Variants in C11orf71 observed in about 807,000 individuals in gnomAD.
The protein encoded by C11orf71 is uncharacterized protein C11orf71.
For synonymous variants in C11orf71, 72 were observed against 73.4 expected (o/e 0.98, Z 0.09); for missense variants, 179 against 167.6 (o/e 1.07, Z -0.38).
chr11:114,396,807 C>A (rs1365450971), downstream of C11orf71, among the ~76,000 whole-genome samples: 1 of 152,194 alleles, frequency 6.6e-6, no homozygotes, highest in Non-Finnish European at 1.5e-5. Flanking sequence ...GAAAGACATA[C>A]AATTAATTCT....
At chr11:114,395,976 A>AT (rs774204192), downstream of C11orf71, among the ~76,000 whole-genome samples, 11 of 152,184 alleles carry the variant, frequency 7.2e-5, no homozygotes, top group Non-Finnish European at 1.5e-4. Flanking sequence ...AGCTCACTAC[A>AT]TTCCTCCAAC....
downstream of C11orf71, among the ~76,000 whole-genome samples, chr11:114,394,117 C>G (rs1297292200): frequency 1.3e-5 from 2 of 149,474 alleles, no homozygotes; most frequent in Non-Finnish European, 3.0e-5. Context: ...GTAGCTGGGA[C>G]TACAGGCGCC....
Position 114,400,260 on chromosome 11 carries a change from G to C in C11orf71, c.72C>G (p.Gly24=), listed in dbSNP as rs1227807069. ...RSRVAYRSSH[G]DLRPRASALA... ...ACGCTGACGCCCGCGGTCTGAGGTC[G>C]CCATGGGAAGAGCGGTAGGCCACCC... Residue 24 remains glycine, a synonymous_variant, in exon 1 of 1, where the codon GGC becomes GGG. Transcript: ENST00000623205. The C allele has an allele frequency of 1.9e-6, 3 of 1,611,006 alleles. No individual in the cohort carries two copies. The highest frequency in any genetic ancestry group is 1.7e-6 in the Non-Finnish European group (2 of 1,178,666).
chr11:114,394,272 CTTTTCTTTTCTTTTCTCTTATT>C (rs1565256737), downstream of C11orf71, among the ~76,000 whole-genome samples: 129 of 64,568 alleles, frequency 2.0e-3, 15 homozygotes, highest in African/African-American at 0.011. Flanking sequence ...CTTTTCTTTT[CTTTTCTTTTCTTTTCTCTTATT>C]TTCTTTTCTT....
intron 1 of C11orf71, among the ~76,000 whole-genome samples, chr11:114,393,150 T>C (rs78747991): frequency 6.6e-6 from 1 of 152,220 alleles, no homozygotes. Context: ...GCCACACTTA[T>C]AGGGTGGTAA....
At chr11:114,392,529 C>CAAAAAAAAAAAAAAAAAAAAGAAA (rs1946080442) in intron 1 of C11orf71, among the ~76,000 whole-genome samples, 1 of 51,688 alleles carries the variant, frequency 1.9e-5, no homozygotes, top group Non-Finnish European at 3.4e-5. Flanking sequence ...TAGAATGAGA[C>CAAAAAAAAAAAAAAAAAAAAGAAA]AAAAAAAAAA....
At position 114,400,126 on chromosome 11, in the gene C11orf71, T is replaced by G; in HGVS notation, c.206A>C (p.Asp69Ala). ...PSVRAESRRV[D>A]GGGRSPREPD... The stretch of plus-strand genomic sequence containing the variant: ...TTCCCTTGGGCTCCGGCCGCCACCA[T>G]CCACTCGACGGCTCTCGGCCCGAAC... Residue 69 changes from aspartate (D) to alanine (A), a missense_variant, in exon 1 of 1, where the codon GAT becomes GCT. By Grantham distance (126) the Asp-to-Ala change is moderately radical. Transcript: ENST00000623205. The G allele has an allele frequency of 6.2e-7, 1 of 1,613,862 alleles. No homozygotes were observed. Among genetic ancestry groups the G allele is most frequent in the Non-Finnish European group, 8.5e-7 (1 of 1,179,898 alleles).
In C11orf71 at chr11:114,400,206, G is replaced by C; in HGVS notation, c.126C>G (p.Leu42=). The C allele has an allele frequency of 1.2e-6, 2 of 1,613,228 alleles. No individual in the cohort carries two copies. Among genetic ancestry groups the C allele is most frequent in the Non-Finnish European group, 1.7e-6 (2 of 1,179,622 alleles). The change falls in exon 1 of 1, where the codon CTC becomes CTG. Residue 42 remains leucine (L), a synonymous_variant. Transcript: ENST00000623205. Reference sequence around the variant, plus strand: ...GATGAATCGCTTCAGGCCTGGAAACGAGGAAGCCGTCTCCGGAGACCATCG... The same window carrying C: ...GATGAATCGCTTCAGGCCTGGAAACCAGGAAGCCGTCTCCGGAGACCATCG... ...ALAMVSGDGF[L]VSRPEAIHLG... is the part of the protein sequence containing the mutation.
At chr11:114,394,237 C>CTT (rs1318969754), downstream of C11orf71, among the ~76,000 whole-genome samples, 2 of 45,990 alleles carry the variant, frequency 4.3e-5, no homozygotes, top group Non-Finnish European at 6.9e-5. Context: ...TCTTTCTTTT[C>CTT]TTTTCTTTTC....
intron 1 of C11orf71, among the ~76,000 whole-genome samples, chr11:114,393,087 T>G (rs1281133394): frequency 1.3e-5 from 2 of 152,266 alleles, no homozygotes; most frequent in East Asian, 1.9e-4. Context: ...TAGCTTTTGC[T>G]GCAGACTTAT....
chr11:114,396,926 C>T (rs771659659), downstream of C11orf71, among the ~76,000 whole-genome samples: 11 of 152,164 alleles, frequency 7.2e-5, no homozygotes, highest in Non-Finnish European at 1.5e-4. Flanking sequence ...CCTTTATCAC[C>T]AGATTGGCTA....
chr11:114,394,896 T>C (rs1483738957), downstream of C11orf71, among the ~76,000 whole-genome samples: 3 of 151,374 alleles, frequency 2.0e-5, no homozygotes, highest in African/African-American at 7.3e-5. Context: ...GAAGTAATCC[T>C]TTAAGAAAAA....
At chr11:114,395,546 G>C (rs1017923710), downstream of C11orf71, among the ~76,000 whole-genome samples, 8 of 152,172 alleles carry the variant, frequency 5.3e-5, no homozygotes, top group African/African-American at 1.9e-4. Context: ...GAAGTTGAAG[G>C]CAATATTTTC....
In C11orf71 at chr11:114,400,234, A is replaced by C. The variant is rs749900235; in HGVS notation, c.98T>G (p.Leu33Trp). The C allele has an allele frequency of 6.2e-7, 1 of 1,611,976 alleles. No homozygotes were observed. Among genetic ancestry groups the C allele is most frequent in the Non-Finnish European group, 8.5e-7 (1 of 1,179,164 alleles). The change falls in exon 1 of 1, where the codon TTG becomes TGG. Residue 33 changes from leucine (L) to tryptophan (W), a missense_variant. Transcript: ENST00000623205. Reference protein sequence around the residue: ...HGDLRPRASALAMVSGDGFLV... With the variant: ...HGDLRPRASAWAMVSGDGFLV... The stretch of plus-strand genomic sequence containing the variant: ...GAAGCCGTCTCCGGAGACCATCGCC[A>C]ACGCTGACGCCCGCGGTCTGAGGTC...
intron 1 of C11orf71, among the ~76,000 whole-genome samples, chr11:114,391,979 C>T (rs1946076624): frequency 6.6e-6 from 1 of 151,124 alleles, no homozygotes; most frequent in African/African-American, 2.4e-5. Flanking sequence ...TTATGTTTGG[C>T]AGGAATAAGT....
At position 114,399,675 on chromosome 11, in the gene C11orf71, A is replaced by C. The variant is rs1591195098; in HGVS notation, c.*285T>G. 6 of 370,012 alleles carry C rather than the reference A, an allele frequency of 1.6e-5. No individual in the cohort carries two copies. The East Asian group carries it at 2.2e-4, about 13-fold the overall frequency. The allele number at this position is 370,012 out of a possible 1,614,324, so 22.9% of individuals were successfully genotyped here. A position where few individuals can be genotyped will look rare whatever the true frequency, so the allele number is the denominator to read the frequency against. ...GTTAAGTGTCTGAGTTAACGAATGG[A>C]TTGTTGACCTCTGGGGAGGGTGCTC... On this transcript the variant is annotated 3_prime_UTR_variant, in exon 1 of 1. Coordinates refer to ENST00000623205, the MANE Select transcript of C11orf71 (RefSeq NM_001271562.2).
exon 2 of C11orf71, chr11:114,391,506 C>G: frequency 9.7e-7 from 1 of 1,030,918 alleles, no homozygotes; most frequent in Non-Finnish European, 1.4e-6. Context: ...ATAATACATA[C>G]AATTTCATAT....
rs1417913971 is a variant in C11orf71 at position 114,400,228 on chromosome 11, A to G, written c.104T>C (p.Met35Thr). 1 of 1,612,286 alleles carries G rather than the reference A, an allele frequency of 6.2e-7. No individual in the cohort carries two copies. Among genetic ancestry groups the G allele is most frequent in the Admixed American group, 1.7e-5 (1 of 59,734 alleles). ...DLRPRASALA[M>T]VSGDGFLVSR... is the part of the protein sequence containing the mutation. ...AACGAGGAAGCCGTCTCCGGAGACC[A>G]TCGCCAACGCTGACGCCCGCGGTCT... The change falls in exon 1 of 1, where the codon ATG (methionine) becomes ACG (threonine). Residue 35 changes from methionine to threonine, a missense_variant. Met to Thr is a moderately conservative substitution (Grantham distance 81, BLOSUM62 -1). Coordinates refer to ENST00000623205, the MANE Select transcript of C11orf71 (RefSeq NM_001271562.2).
chr11:114,393,391 G>T (rs1464050284), intron 1 of C11orf71, among the ~76,000 whole-genome samples: 1 of 152,208 alleles, frequency 6.6e-6, no homozygotes, highest in Non-Finnish European at 1.5e-5. Context: ...TGCAATTGAG[G>T]AGCTTCTACT....
Sources: allele counts gnomAD v4.1 joint callset (sites outside exome capture counted in the v4.1 genomes callset), GRCh38; gene constraint gnomAD v4.1.1; transcripts MANE v1.5; gene names NCBI Gene and HGNC (gene_info 2026-07-23, HGNC 2026-07-21).